Variants in NFIA observed in about 807,000 individuals in gnomAD.
The protein encoded by NFIA is nuclear factor 1 A-type.
Under a neutral mutation model 62.8 loss-of-function variants are expected in NFIA, and 8 were observed. That is an observed-to-expected ratio of 0.13 (90% confidence interval 0.07 to 0.23). The LOEUF is 0.23. NFIA is among the 10% of genes least tolerant of loss of function. The pLI is 1.00. For missense variants in NFIA, 410 were observed against 642.1 expected, an observed-to-expected ratio of 0.64 and a Z score of 3.91; for synonymous variants, 235 against 238.1, an observed-to-expected ratio of 0.99 and a Z score of 0.12.
chr1:61,416,794 AG>A (rs1180509951), intron 9 of NFIA, among the ~76,000 whole-genome samples: 2 of 152,172 alleles, frequency 1.3e-5, no homozygotes, highest in Non-Finnish European at 2.9e-5. Context: ...AACGGAGCAA[AG>A]GTTCAGATCC....
At chr1:61,185,722 A>G (rs1434614025) in intron 2 of NFIA, among the ~76,000 whole-genome samples, 1 of 143,782 alleles carries the variant, frequency 7.0e-6, no homozygotes, top group Middle Eastern at 3.7e-3. Context: ...CTGCCATCCC[A>G]TTTGCTACTT....
intron 4 of NFIA, among the ~76,000 whole-genome samples, chr1:61,340,010 C>T (rs929110678): frequency 2.0e-5 from 3 of 152,180 alleles, no homozygotes; most frequent in Non-Finnish European, 4.4e-5. Context: ...ATCCTTCAGT[C>T]ACTGCTCTGC....
At chr1:61,262,786 T>G (rs1001283650) in intron 2 of NFIA, among the ~76,000 whole-genome samples, 1 of 152,148 alleles carries the variant, frequency 6.6e-6, no homozygotes, top group Non-Finnish European at 1.5e-5. Flanking sequence ...AATGGAATAG[T>G]CTCCTTATGG....
chr1:61,305,634 A>G (rs78696043), intron 3 of NFIA, among the ~76,000 whole-genome samples: 6,891 of 152,214 alleles, frequency 0.045, 513 homozygotes, highest in African/African-American at 0.16. Context: ...GATTCCTTCA[A>G]TGCTCTTCCA....
chr1:61,434,008 T>C (rs1291817850), intron 10 of NFIA, among the ~76,000 whole-genome samples: 2 of 152,180 alleles, frequency 1.3e-5, no homozygotes, highest in African/African-American at 4.8e-5. Flanking sequence ...ACCCTGTAGG[T>C]TGTTCCACTG....
At position 61,450,068 on chromosome 1, in the gene NFIA, A is replaced by G. The variant is rs940302373; in HGVS notation, c.1513-5235A>G. ...CATTGCCAGAAGTTTATAAAATCCT[A>G]TTGGGAGAAAAGCAGGCTATCTGGT... On this transcript the variant is annotated intron_variant, in intron 10 of 10. Coordinates refer to ENST00000403491, the MANE Select transcript of NFIA (RefSeq NM_001134673.4). 2.6e-5 allele frequency among the ~76,000 whole-genome samples: 4 copies of G among 152,290 alleles called. No homozygotes were observed. In the South Asian group the frequency reaches 6.2e-4, roughly 24 times the overall value.
intron 7 of NFIA, among the ~76,000 whole-genome samples, chr1:61,395,930 A>G (rs1665246675): frequency 6.6e-6 from 1 of 152,230 alleles, no homozygotes; most frequent in South Asian, 2.1e-4. Context: ...TTGTTTTAAA[A>G]GCCTTCCTTA....
In NFIA at chr1:61,254,906, G is replaced by A. The variant is rs1270071716; in HGVS notation, c.560-22614G>A. On this transcript the variant is annotated intron_variant, in intron 2 of 10. Coordinates refer to ENST00000403491, the MANE Select transcript of NFIA (RefSeq NM_001134673.4). ...GCACACTGTGAATTGTAATTAAAGT[G>A]TAAGGGGGGCTTATTATGTCAACAA... 2.6e-5 allele frequency among the ~76,000 whole-genome samples: 4 copies of A among 152,344 alleles called. No individual in the cohort carries two copies. In the Middle Eastern group the frequency reaches 0.01, roughly 391 times the overall value.
chr1:61,197,588 G>A (rs1652119930), intron 2 of NFIA, among the ~76,000 whole-genome samples: 1 of 152,008 alleles, frequency 6.6e-6, no homozygotes, highest in African/African-American at 2.4e-5. Flanking sequence ...ACACTCTGTA[G>A]ATAAAGAAGG....
At chr1:61,328,723 A>ATTTTTTT (rs35979153) in intron 3 of NFIA, among the ~76,000 whole-genome samples, 1 of 108,932 alleles carries the variant, frequency 9.2e-6, no homozygotes, top group Non-Finnish European at 2.0e-5. Context: ...CCGGCCTATA[A>ATTTTTTT]TTTTTTTTTT....
At chr1:61,285,151 C>A (rs1022800829) in intron 3 of NFIA, among the ~76,000 whole-genome samples, 1 of 152,140 alleles carries the variant, frequency 6.6e-6, no homozygotes, top group Non-Finnish European at 1.5e-5. Flanking sequence ...TCTGCCATTG[C>A]TCTGTTTTCC....
At chr1:61,083,008 TAAAG>T (rs1008115698) in intron 1 of NFIA, among the ~76,000 whole-genome samples, 190 bp downstream of exon 1, 11 of 151,110 alleles carry the variant, frequency 7.3e-5, no homozygotes, top group African/African-American at 1.2e-4. Context: ...GGATCCCGCT[TAAAG>T]AAAGTAACTT....
chr1:61,088,813 G>T lies in NFIA; in HGVS notation c.559+133G>T. 1 of 1,033,154 alleles carries T rather than the reference G, an allele frequency of 9.7e-7. No individual in the cohort carries two copies. The allele number at this position is 1,033,154 out of a possible 1,614,324, so 64.0% of individuals were successfully genotyped here. ...TACATGAAGCCAGTGTGGTTTCAAA[G>T]ATTGAGAGAGGTGCCACCTTCATTC... is the stretch of plus-strand genomic sequence containing the variant. On this transcript the variant is annotated intron_variant, in intron 2 of 10. Transcript: ENST00000403491. This position sits in a 1 kb window ranked among gnomAD's most constrained non-coding sequence, Gnocchi z 4.5.
intron 3 of NFIA, among the ~76,000 whole-genome samples, chr1:61,322,586 G>T (rs749486379): frequency 6.6e-6 from 1 of 151,834 alleles, no homozygotes; most frequent in Non-Finnish European, 1.5e-5. Context: ...TATCACTTGC[G>T]TTCACTTTCT....
chr1:61,096,250 G>C lies in NFIA; in HGVS notation c.559+7570G>C, dbSNP rs534703020. ...TTGTTTGAGACGGAGTTTAGCCCTT[G>C]TTTTCTAGGCTGGAGTGCAGTGGCA... On this transcript the variant is annotated intron_variant, in intron 2 of 10. Transcript: ENST00000403491. Among the ~76,000 whole-genome samples, 13 of 152,220 alleles carry C rather than the reference G, an allele frequency of 8.5e-5. 2 individuals carry two copies. Among genetic ancestry groups the C allele is most frequent in the African/African-American group, 2.9e-4 (12 of 41,532 alleles).
intron 2 of NFIA, among the ~76,000 whole-genome samples, chr1:61,178,949 C>T (rs1650574799): frequency 6.6e-6 from 1 of 152,236 alleles, no homozygotes; most frequent in Non-Finnish European, 1.5e-5. Context: ...ACCTCCCTGA[C>T]AGACTGTAGA....
rs888935476 is a variant in NFIA at position 61,381,242 on chromosome 1, C to T, written c.947-1995C>T. Reference sequence around the variant, plus strand: ...GGTTGGCAGCCTATAAATTGGTCTACACAAAAAGGTTTAAATGAGTTGGGA... The same window carrying T: ...GGTTGGCAGCCTATAAATTGGTCTATACAAAAAGGTTTAAATGAGTTGGGA... On this transcript the variant is annotated intron_variant, in intron 6 of 10. Coordinates refer to ENST00000403491, the MANE Select transcript of NFIA (RefSeq NM_001134673.4). Among the ~76,000 whole-genome samples the T allele has an allele frequency of 2.6e-5, 4 of 152,128 alleles. No homozygotes were observed. In the South Asian group the frequency reaches 8.3e-4, roughly 31 times the overall value.
At chr1:61,214,545 A>G (rs188503412) in intron 2 of NFIA, among the ~76,000 whole-genome samples, 20 of 152,324 alleles carry the variant, frequency 1.3e-4, no homozygotes, top group Non-Finnish European at 2.5e-4. Context: ...AAGAATGGCT[A>G]TTATTATCAT....
At chr1:61,199,977 A>G (rs1432211818) in intron 2 of NFIA, among the ~76,000 whole-genome samples, 1 of 141,572 alleles carries the variant, frequency 7.1e-6, no homozygotes, top group Admixed American at 7.3e-5. Flanking sequence ...CCTGCACGAC[A>G]GAGCGAGACT....
Sources: allele counts gnomAD v4.1 joint callset (sites outside exome capture counted in the v4.1 genomes callset), GRCh38; gene constraint gnomAD v4.1.1; non-coding constraint Gnocchi (gnomAD v3.1); transcripts MANE v1.5; gene names NCBI Gene and HGNC (gene_info 2026-07-23, HGNC 2026-07-21).